The following RNF139 variants were observed in gnomAD, a reference collection of about 807,000 sequenced individuals.
The protein encoded by RNF139 is ring finger protein 139.
In RNF139, 15 loss-of-function variants were observed where a neutral mutation model predicts 49.5. The observed-to-expected ratio is 0.30, with a 90% CI of 0.20 to 0.47. The LOEUF is 0.47. Ranked by LOEUF, RNF139 falls within the 20% of genes least tolerant of loss-of-function variation. RNF139 has a pLI of 1.00. For missense variants in RNF139, 619 were observed against 806.3 expected, an observed-to-expected ratio of 0.77 and a Z score of 2.81; for synonymous variants, 325 against 300.9, an observed-to-expected ratio of 1.08 and a Z score of -0.83.
chr8:124,485,904 C>T lies in RNF139; in HGVS notation c.255C>T (p.Ala85=). ...TCAAGTTTTACACGTACAGCTCAGC[C>T]TTTCTGTTAGCTGCAACTTCAGTGT... ...SLFKFYTYSS[A]FLLAATSVLV... Residue 85 remains alanine, a synonymous_variant, in exon 2 of 2, where the codon GCC becomes GCT. Coordinates refer to ENST00000303545, the MANE Select transcript of RNF139 (RefSeq NM_007218.4). The T allele has an allele frequency of 6.2e-7, 1 of 1,614,062 alleles. No individual in the cohort carries two copies. The highest frequency in any genetic ancestry group is 8.5e-7 in the Non-Finnish European group (1 of 1,179,904).
Position 124,486,922 on chromosome 8 carries a change from G to A in RNF139, c.1273G>A (p.Ala425Thr), listed in dbSNP as rs1469912882. ...AAATACATGGTTGTTTGCAGTTACAGCATTTTGTGTGGAACTGTGCTTAAA... is the reference window on the plus strand; with the variant it reads ...AAATACATGGTTGTTTGCAGTTACAACATTTTGTGTGGAACTGTGCTTAAA... ...ALNTWLFAVT[A>T]FCVELCLKVI... The change falls in exon 2 of 2, where the codon GCA becomes ACA. Residue 425 changes from alanine (A) to threonine (T), a missense_variant. Coordinates refer to ENST00000303545, the MANE Select transcript of RNF139 (RefSeq NM_007218.4). 1.2e-6 allele frequency: 2 copies of A among 1,613,866 alleles called. No homozygotes were observed. The highest frequency in any genetic ancestry group is 2.7e-5 in the African/African-American group (2 of 74,882).
At position 124,486,182 on chromosome 8, in the gene RNF139, T is replaced by C. The variant is rs150447470; in HGVS notation, c.533T>C (p.Leu178Ser). 31 of 1,614,120 alleles carry C rather than the reference T, an allele frequency of 1.9e-5. No homozygotes were observed. Among genetic ancestry groups the C allele is most frequent in the Non-Finnish European group, 2.4e-5 (28 of 1,180,042 alleles). Residue 178 changes from leucine to serine, a missense_variant, in exon 2 of 2, where the codon TTA becomes TCA. Coordinates refer to ENST00000303545, the MANE Select transcript of RNF139 (RefSeq NM_007218.4). ...CTACCATTACACATCAGAGAGACTT[T>C]ACTGTTTACTTCTTCCTTGATTCTC... ...TELPLHIRET[L>S]LFTSSLILTL...
In RNF139 at chr8:124,475,243, G is replaced by T; in HGVS notation, c.134G>T (p.Ser45Ile). 6.2e-7 allele frequency: 1 copy of T among 1,613,668 alleles called. No homozygotes were observed. Among genetic ancestry groups the T allele is most frequent in the Non-Finnish European group, 8.5e-7 (1 of 1,179,790 alleles). The change falls in exon 1 of 2, where the codon AGC (serine) becomes ATC (isoleucine). Residue 45 changes from serine (S) to isoleucine (I), a missense_variant. Physicochemically the swap from Ser to Ile is moderately radical, Grantham distance 142. Around this residue, in one of 2 missense-constraint regions of RNF139, gnomAD observed 89 missense variants for 77.5 expected, o/e 1.15. Transcript: ENST00000303545. ...DAIFNSYPDS[S>I]QSRFCIVLQI... ...ATCTTCAACTCCTACCCGGATTCCAGCCAAAGCCGGTTCTGCATCGTGCTC... is the reference window on the plus strand; with the variant it reads ...ATCTTCAACTCCTACCCGGATTCCATCCAAAGCCGGTTCTGCATCGTGCTC...
intron 1 of RNF139, among the ~76,000 whole-genome samples, chr8:124,483,137 T>TATATTTAAATTA (rs1816479229): frequency 8.2e-6 from 1 of 121,648 alleles, no homozygotes; most frequent in Non-Finnish European, 1.7e-5. Context: ...AAAGAGCCTG[T>TATATTTAAATTA]TCTGAGCTCA....
At chr8:124,484,437 G>T (rs1816497142) in intron 1 of RNF139, among the ~76,000 whole-genome samples, 1 of 152,166 alleles carries the variant, frequency 6.6e-6, no homozygotes, top group Admixed American at 6.5e-5. Context: ...TCACAGAAAA[G>T]GGAGATAGAG....
At chr8:124,475,739 C>T (rs890403486) in intron 1 of RNF139, among the ~76,000 whole-genome samples, 12 of 152,184 alleles carry the variant, frequency 7.9e-5, no homozygotes, top group Non-Finnish European at 2.9e-5. Flanking sequence ...CTGCTGCACC[C>T]GAGGGTCCAC....
At position 124,486,311 on chromosome 8, in the gene RNF139, TAC is replaced by T; in HGVS notation, c.664_665del (p.Gln222ValfsTer40). 6.2e-7 allele frequency: 1 copy of T among 1,614,146 alleles called. No individual in the cohort carries two copies. Among genetic ancestry groups the T allele is most frequent in the Non-Finnish European group, 8.5e-7 (1 of 1,180,014 alleles). Reference sequence around the variant, plus strand: ...AGGCACATGTATCGAATTTACGGATTACAGTTATTGATGGAGGACACATGGAA... The same window carrying T: ...AGGCACATGTATCGAATTTACGGATTAGTTATTGATGGAGGACACATGGAA... On this transcript the variant is annotated frameshift_variant, in exon 2 of 2. Coordinates refer to ENST00000303545, the MANE Select transcript of RNF139 (RefSeq NM_007218.4). LOFTEE classifies it high-confidence loss of function.
intron 1 of RNF139, among the ~76,000 whole-genome samples, chr8:124,476,931 A>G (rs1816325023): frequency 6.6e-6 from 1 of 152,222 alleles, no homozygotes; most frequent in Admixed American, 6.5e-5. Flanking sequence ...TGTACTAGGC[A>G]TGTTTCTTTT....
Position 124,487,802 on chromosome 8 carries a change from A to G in RNF139, c.*158A>G. ...CCGTTTACTGTGATGTGCTACTGTA[A>G]ATATACCTCTTTAATTACTTCTGGT... On this transcript the variant is annotated 3_prime_UTR_variant, in exon 2 of 2. Coordinates refer to ENST00000303545, the MANE Select transcript of RNF139 (RefSeq NM_007218.4). 1.5e-6 allele frequency: 1 copy of G among 648,918 alleles called. No homozygotes were observed. The highest frequency in any genetic ancestry group is 2.6e-6 in the Non-Finnish European group (1 of 391,348). The allele number at this position is 648,918 out of a possible 1,614,324, so 40.2% of individuals were successfully genotyped here. A position where few individuals can be genotyped will look rare whatever the true frequency, so the allele number is the denominator to read the frequency against.
intron 1 of RNF139, 58 bp downstream of exon 1, chr8:124,475,348 G>T: frequency 6.4e-7 from 1 of 1,553,800 alleles, no homozygotes; most frequent in Non-Finnish European, 8.8e-7. Flanking sequence ...GACGTTCCCC[G>T]GGGAGCGGGC....
chr8:124,485,938 T>TAA lies in RNF139; in HGVS notation c.290_291insAA (p.Tyr97Ter), dbSNP rs1177295699. Residue 97 changes from tyrosine to a stop codon, truncating the protein, a stop_gained and frameshift_variant, in exon 2 of 2, where the codon TAT (tyrosine) becomes TAAAT (stop). Coordinates refer to ENST00000303545, the MANE Select transcript of RNF139 (RefSeq NM_007218.4). LOFTEE classifies it high-confidence loss of function. ...LLAATSVLVN[Y>*]YASLHIDFYG... ...AGCTGCAACTTCAGTGTTGGTGAAT[T>TAA]ATTATGCTTCTTTGCACATTGACTT... 1 of 1,614,218 alleles carries TAA rather than the reference T, an allele frequency of 6.2e-7. No homozygotes were observed. The highest frequency in any genetic ancestry group is 1.1e-5 in the South Asian group (1 of 91,090).
rs1563632509 is a variant in RNF139 at position 124,486,440 on chromosome 8, A to G, written c.791A>G (p.Asp264Gly). The G allele has an allele frequency of 2.5e-6, 4 of 1,613,980 alleles. No individual in the cohort carries two copies. The highest frequency in any genetic ancestry group is 3.4e-6 in the Non-Finnish European group (4 of 1,180,020). ...MYILRMANETDSFFISWDDFW... is the reference protein window; with the variant it reads ...MYILRMANETGSFFISWDDFW... ...ATCTTAAGGATGGCAAATGAAACTG[A>G]TTCCTTCTTTATTTCTTGGGATGAT... is the stretch of plus-strand genomic sequence containing the variant. The change falls in exon 2 of 2, where the codon GAT (aspartate) becomes GGT (glycine). Residue 264 changes from aspartate to glycine, a missense_variant. Coordinates refer to ENST00000303545, the MANE Select transcript of RNF139 (RefSeq NM_007218.4).
chr8:124,476,948 A>G (rs150812497), intron 1 of RNF139, among the ~76,000 whole-genome samples: 52 of 152,324 alleles, frequency 3.4e-4, no homozygotes, highest in African/African-American at 1.2e-3. Flanking sequence ...TTTTGTAATA[A>G]ATCTTGGAAG....
At chr8:124,477,105 C>A (rs1816327237) in intron 1 of RNF139, among the ~76,000 whole-genome samples, 1 of 152,066 alleles carries the variant, frequency 6.6e-6, no homozygotes. Flanking sequence ...TCATTTAATA[C>A]CATATTTTGT....
intron 1 of RNF139, among the ~76,000 whole-genome samples, chr8:124,478,851 C>A (rs1816355786): frequency 6.6e-6 from 1 of 150,398 alleles, no homozygotes; most frequent in Admixed American, 6.6e-5. Context: ...TCCCGAGTAG[C>A]TAGGATGATT....
At position 124,486,435 on chromosome 8, in the gene RNF139, A is replaced by G. The variant is rs1331722344; in HGVS notation, c.786A>G (p.Glu262=). 1.9e-6 allele frequency: 3 copies of G among 1,614,054 alleles called. No individual in the cohort carries two copies. The African/African-American group carries it at 4.0e-5, about 22-fold the overall frequency. ...TGTACATCTTAAGGATGGCAAATGA[A>G]ACTGATTCCTTCTTTATTTCTTGGG... is the stretch of plus-strand genomic sequence containing the variant. The part of the protein sequence containing the change: ...VLMYILRMAN[E]TDSFFISWDD... Residue 262 remains glutamate, a synonymous_variant, in exon 2 of 2, where the codon GAA becomes GAG. Coordinates refer to ENST00000303545, the MANE Select transcript of RNF139 (RefSeq NM_007218.4).
At chr8:124,482,883 G>A (rs1471314697) in intron 1 of RNF139, among the ~76,000 whole-genome samples, 46 of 139,940 alleles carry the variant, frequency 3.3e-4, no homozygotes, top group African/African-American at 1.3e-3. Context: ...CCAAGATCAC[G>A]CCATTGCACT....
chr8:124,487,779 G>C lies in RNF139; in HGVS notation c.*135G>C, dbSNP rs750573802. 1 of 835,384 alleles carries C rather than the reference G, an allele frequency of 1.2e-6. No individual in the cohort carries two copies. The highest frequency in any genetic ancestry group is 1.8e-6 in the Non-Finnish European group (1 of 553,622). 51.7% of individuals were successfully genotyped at this position (835,384 alleles called of 1,614,324 possible). ...ATGTTGAATCTGTGAATGGTTTTCC[G>C]TTTACTGTGATGTGCTACTGTAAAT... On this transcript the variant is annotated 3_prime_UTR_variant, in exon 2 of 2. Coordinates refer to ENST00000303545, the MANE Select transcript of RNF139 (RefSeq NM_007218.4).
At chr8:124,475,364 C>T in intron 1 of RNF139, 74 bp downstream of exon 1, 1 of 1,468,674 alleles carries the variant, frequency 6.8e-7, no homozygotes, top group East Asian at 2.4e-5. Context: ...CGGGCAGGCG[C>T]GCAGAGGCCA....
Sources: allele counts gnomAD v4.1 joint callset (sites outside exome capture counted in the v4.1 genomes callset), GRCh38; gene constraint gnomAD v4.1.1; regional missense constraint gnomAD v4.1.1; transcripts MANE v1.5; gene names NCBI Gene and HGNC (gene_info 2026-07-23, HGNC 2026-07-21).